Variants in MRM1 observed in about 807,000 individuals in gnomAD.
The protein encoded by MRM1 is rRNA methyltransferase 1, mitochondrial.
Under a neutral mutation model 25.0 loss-of-function variants are expected in MRM1, and 24 were observed. The ratio of observed to expected loss-of-function variants is 0.96; its 90% CI spans 0.69 to 1.35. The LOEUF is 1.35. MRM1 is among the 40% of genes most tolerant of loss of function. The pLI is 0.00. For missense variants in MRM1, 431 were observed against 464.1 expected (o/e 0.93, Z 0.65); for synonymous variants, 188 against 199.2 (o/e 0.94, Z 0.47).
At chr17:36,613,394 T>C (rs2074988617), downstream of MRM1, among the ~76,000 whole-genome samples, 1 of 152,146 alleles carries the variant, frequency 6.6e-6, no homozygotes, top group Admixed American at 6.5e-5. Flanking sequence ...CATCTGCTAA[T>C]CCCTGATTAA....
chr17:36,625,342 T>TTCTTCTTCTTCCTCTTCC, the MRM1 span, among the ~76,000 whole-genome samples: 57,953 of 149,058 alleles, frequency 0.39, 12,352 homozygotes, highest in African/African-American at 0.55. Flanking sequence ...CTCCTTCGCC[T>TTCTTCTTCTTCCTCTTCC]TCTTCTTCTT....
At chr17:36,624,495 ACTT>A in the MRM1 span, among the ~76,000 whole-genome samples, 31,164 of 152,054 alleles carry the variant, frequency 0.2, 3,400 homozygotes, top group Non-Finnish European at 0.22. This position sits in a 1 kb window ranked among gnomAD's most constrained non-coding sequence, Gnocchi z 4.0. Context: ...CGTTAGATGA[ACTT>A]CTTCTTTGTG....
downstream of MRM1, among the ~76,000 whole-genome samples, chr17:36,609,380 A>T (rs1342159274): frequency 6.6e-6 from 1 of 152,218 alleles, no homozygotes; most frequent in Non-Finnish European, 1.5e-5. Flanking sequence ...CGGCTTTCGA[A>T]AGCGCCACCA....
At chr17:36,610,004 C>T (rs1448042460), downstream of MRM1, among the ~76,000 whole-genome samples, 3 of 148,188 alleles carry the variant, frequency 2.0e-5, no homozygotes, top group South Asian at 2.2e-4. Flanking sequence ...TGGCTCACTG[C>T]ATCCTCTGCC....
At chr17:36,603,058 A>G in intron 2 of MRM1, 1 of 985,414 alleles carries the variant, frequency 1.0e-6, no homozygotes, top group Non-Finnish European at 1.2e-6. Context: ...GTATCTAGCA[A>G]GAGACAAACC....
At chr17:36,627,475 A>T in the MRM1 span, among the ~76,000 whole-genome samples, 14 of 152,236 alleles carry the variant, frequency 9.2e-5, no homozygotes, top group African/African-American at 3.4e-4. Flanking sequence ...TGGAAAGAGG[A>T]TTCTCTCCAC....
downstream of MRM1, among the ~76,000 whole-genome samples, chr17:36,610,955 A>T (rs917908797): frequency 6.6e-6 from 1 of 152,170 alleles, no homozygotes; most frequent in African/African-American, 2.4e-5. Flanking sequence ...CTGGGATTAC[A>T]GGTATGTGCC....
the MRM1 span, among the ~76,000 whole-genome samples, chr17:36,627,171 G>C: frequency 7.9e-5 from 12 of 152,204 alleles, no homozygotes; most frequent in African/African-American, 2.9e-4. Context: ...TCTCTTGGGG[G>C]CTGGGACGGG....
intron 2 of MRM1, among the ~76,000 whole-genome samples, chr17:36,606,372 G>A (rs1481835031): frequency 6.6e-6 from 1 of 151,822 alleles, no homozygotes; most frequent in African/African-American, 2.4e-5. Flanking sequence ...ATGAATGTAT[G>A]GGCAAGGCTG....
chr17:36,614,614 G>C, the MRM1 span, among the ~76,000 whole-genome samples: 1 of 152,132 alleles, frequency 6.6e-6, no homozygotes, highest in Non-Finnish European at 1.5e-5. Flanking sequence ...TGAACAGGGC[G>C]CAGTCTCAGG....
the MRM1 span, among the ~76,000 whole-genome samples, chr17:36,626,843 T>C: frequency 1.3e-5 from 2 of 152,122 alleles, no homozygotes; most frequent in African/African-American, 4.8e-5. Context: ...GACTGCCGGG[T>C]GAGTGTGTTT....
chr17:36,621,520 A>C, the MRM1 span, among the ~76,000 whole-genome samples: 6 of 152,010 alleles, frequency 3.9e-5, no homozygotes, highest in Non-Finnish European at 7.4e-5. Context: ...TCAGCCCTGC[A>C]CCTTGTGCCC....
chr17:36,616,299 G>A, the MRM1 span, among the ~76,000 whole-genome samples: 1 of 152,158 alleles, frequency 6.6e-6, no homozygotes, highest in Non-Finnish European at 1.5e-5. Flanking sequence ...GCCTCCAGCC[G>A]GCCTTGACCT....
chr17:36,615,337 C>T, the MRM1 span, among the ~76,000 whole-genome samples: 2 of 152,078 alleles, frequency 1.3e-5, no homozygotes, highest in African/African-American at 2.4e-5. Flanking sequence ...AGAAGCAGTA[C>T]CTTTGTGGTT....
downstream of MRM1, among the ~76,000 whole-genome samples, chr17:36,609,217 C>G (rs1038604120): frequency 1.3e-5 from 2 of 152,222 alleles, no homozygotes; most frequent in Non-Finnish European, 2.9e-5. Flanking sequence ...CACTCCTCCC[C>G]TCGGGTCCCA....
the MRM1 span, among the ~76,000 whole-genome samples, chr17:36,630,958 G>A: frequency 6.6e-6 from 1 of 152,144 alleles, no homozygotes; most frequent in Non-Finnish European, 1.5e-5. Context: ...AATCAGGCTG[G>A]CTGGGGCTTA....
chr17:36,626,610 C>T, the MRM1 span, among the ~76,000 whole-genome samples: 1 of 152,178 alleles, frequency 6.6e-6, no homozygotes, highest in African/African-American at 2.4e-5. Context: ...ATCCGCCTGC[C>T]TCAGCCTCCC....
the MRM1 span, among the ~76,000 whole-genome samples, chr17:36,621,587 C>T: frequency 6.6e-6 from 1 of 152,198 alleles, no homozygotes; most frequent in South Asian, 2.1e-4. Flanking sequence ...CCAGCCCAGC[C>T]CATTGTGGAG....
At chr17:36,609,545 G>A (rs1419592196), downstream of MRM1, among the ~76,000 whole-genome samples, 1 of 152,224 alleles carries the variant, frequency 6.6e-6, no homozygotes, top group Non-Finnish European at 1.5e-5. Flanking sequence ...ATACGCACTA[G>A]ATGCCTGTAG....
Sources: allele counts gnomAD v4.1 joint callset (sites outside exome capture counted in the v4.1 genomes callset), GRCh38; gene constraint gnomAD v4.1.1; non-coding constraint Gnocchi (gnomAD v3.1); transcripts MANE v1.5; gene names NCBI Gene and HGNC (gene_info 2026-07-23, HGNC 2026-07-21).